The following PDE10A variants were observed in gnomAD, a reference collection of about 807,000 sequenced individuals.
The protein encoded by PDE10A is cAMP and cAMP-inhibited cGMP 3',5'-cyclic phosphodiesterase 10A.
In PDE10A, 39 loss-of-function variants were observed where a neutral mutation model predicts 97.7. That is an observed-to-expected ratio of 0.40 (90% CI 0.31 to 0.52). The LOEUF (loss-of-function observed/expected upper bound fraction) is 0.52. Ranked by LOEUF, PDE10A falls within the 20% of genes least tolerant of loss-of-function variation. The pLI, the probability that PDE10A is intolerant of heterozygous loss-of-function variation, is 0.56. For synonymous variants in PDE10A, 371 were observed against 376.8 expected (o/e 0.98, Z 0.18); for missense variants, 731 against 1,047.8 (o/e 0.70, Z 4.17).
chr6:165,430,280 C>A lies in PDE10A; in HGVS notation c.1601+7G>T. On this transcript the variant is annotated splice_region_variant and intron_variant, in intron 9 of 21. Coordinates refer to ENST00000539869, the MANE Select transcript of PDE10A (RefSeq NM_001385079.1). ...AAGAGCTACTATCCCTAGAAATGAACACTTACTTTGATACGTCGAGTAGGA... is the reference window on the plus strand; with the variant it reads ...AAGAGCTACTATCCCTAGAAATGAAAACTTACTTTGATACGTCGAGTAGGA... 3.1e-6 allele frequency: 5 copies of A among 1,601,838 alleles called. No homozygotes were observed. The highest frequency in any genetic ancestry group is 4.3e-6 in the Non-Finnish European group (5 of 1,171,008).
chr6:165,789,552 T>C (rs1778590216), intron 1 of PDE10A, among the ~76,000 whole-genome samples: 1 of 152,224 alleles, frequency 6.6e-6, no homozygotes, highest in African/African-American at 2.4e-5. Context: ...AATCAAGATA[T>C]ATTACTTTGG....
At chr6:165,670,877 C>G (rs1790628784) in intron 1 of PDE10A, among the ~76,000 whole-genome samples, 2 of 152,126 alleles carry the variant, frequency 1.3e-5, no homozygotes. Flanking sequence ...CAAAAGGACC[C>G]CTTAGATGGG....
rs67030054 is a variant in PDE10A, at chr6:165,374,755, G to GTTT, written c.2783+4436_2783+4438dup. Among the ~76,000 whole-genome samples, 918 of 141,312 alleles carry GTTT rather than the reference G, an allele frequency of 6.5e-3. 18 individuals are homozygous for GTTT. In the East Asian group the frequency reaches 0.067, roughly 10 times the overall value. 92.7% of individuals were successfully genotyped at this position (141,312 alleles called of 152,430 possible). ...GTGCTTCATAAATACCATGTTTTTGGTTTTTTTTTTTTTTTACAAATTGAA... is the reference window on the plus strand; with the variant it reads ...GTGCTTCATAAATACCATGTTTTTGGTTTTTTTTTTTTTTTTTTACAAATTGAA... On this transcript the variant is annotated intron_variant, in intron 18 of 21. Transcript: ENST00000539869.
chr6:165,337,803 T>C (rs1443198507), intron 20 of PDE10A, among the ~76,000 whole-genome samples: 2 of 152,210 alleles, frequency 1.3e-5, no homozygotes, highest in Admixed American at 6.5e-5. Flanking sequence ...AGCTATACCA[T>C]GCATTCTTGG....
At chr6:165,784,874 G>T (rs926627861) in intron 1 of PDE10A, among the ~76,000 whole-genome samples, 17 of 152,204 alleles carry the variant, frequency 1.1e-4, no homozygotes, top group Admixed American at 2.0e-4. Flanking sequence ...AGAATGGTAA[G>T]GGGGAGTTGG....
chr6:165,772,962 C>A (rs955454335), intron 1 of PDE10A, among the ~76,000 whole-genome samples: 2 of 152,212 alleles, frequency 1.3e-5, no homozygotes, highest in African/African-American at 4.8e-5. Context: ...ATAATTGATT[C>A]TTTCAACAAA....
chr6:165,505,683 C>T (rs1045589093), intron 2 of PDE10A, among the ~76,000 whole-genome samples: 2 of 152,130 alleles, frequency 1.3e-5, no homozygotes, highest in Non-Finnish European at 2.9e-5. Context: ...AAAAACTGCA[C>T]AAAACTATTT....
At chr6:165,738,017 T>TTA (rs1792623587) in intron 1 of PDE10A, among the ~76,000 whole-genome samples, 1 of 144,298 alleles carries the variant, frequency 6.9e-6, no homozygotes, top group South Asian at 2.2e-4. Flanking sequence ...TTATTTTATT[T>TTA]TTTTATTATT....
chr6:165,641,593 C>T lies in PDE10A; in HGVS notation c.865+20354G>A, dbSNP rs143024762. 1.4e-3 allele frequency among the ~76,000 whole-genome samples: 215 copies of T among 152,330 alleles called. 1 individual carries two copies. The highest frequency in any genetic ancestry group is 4.8e-3 in the African/African-American group (198 of 41,568). On this transcript the variant is annotated intron_variant, in intron 1 of 21. Coordinates refer to ENST00000539869, the MANE Select transcript of PDE10A (RefSeq NM_001385079.1). Reference sequence around the variant, plus strand: ...CATGATAACCCACAGTCAGAGCGGGCACTGGCCACTCAGCTAATATTGGCA... The same window carrying T: ...CATGATAACCCACAGTCAGAGCGGGTACTGGCCACTCAGCTAATATTGGCA...
At chr6:165,430,111 C>T (rs1171601524) in intron 9 of PDE10A, among the ~76,000 whole-genome samples, 176 bp downstream of exon 9, 3 of 151,980 alleles carry the variant, frequency 2.0e-5, no homozygotes, top group Non-Finnish European at 4.4e-5. Context: ...TTAGAGTGAA[C>T]GTGAATGAGA....
chr6:165,395,655 G>C (rs541657271), intron 14 of PDE10A, among the ~76,000 whole-genome samples: 1 of 152,062 alleles, frequency 6.6e-6, no homozygotes, highest in Non-Finnish European at 1.5e-5. Flanking sequence ...TTTTAACTGA[G>C]ATAACAATTT....
chr6:165,394,455 T>C (rs542785002), intron 15 of PDE10A, among the ~76,000 whole-genome samples: 1 of 152,162 alleles, frequency 6.6e-6, no homozygotes, highest in African/African-American at 2.4e-5. Flanking sequence ...ATTTTCTTTA[T>C]CCAGTCTATC....
intron 13 of PDE10A, among the ~76,000 whole-genome samples, chr6:165,407,761 G>A (rs1282783850): frequency 1.3e-5 from 2 of 152,168 alleles, no homozygotes; most frequent in Non-Finnish European, 2.9e-5. Context: ...AGATGTAACT[G>A]ATACTACTGT....
intron 1 of PDE10A, among the ~76,000 whole-genome samples, chr6:165,593,533 G>A (rs757844282): frequency 4.6e-5 from 7 of 152,034 alleles, no homozygotes; most frequent in African/African-American, 1.5e-4. Flanking sequence ...GCACAAATAC[G>A]GGGTACTACA....
At chr6:165,863,573 C>T (rs1780963198) in intron 1 of PDE10A, among the ~76,000 whole-genome samples, 1 of 152,118 alleles carries the variant, frequency 6.6e-6, no homozygotes, top group Admixed American at 6.5e-5. Flanking sequence ...CCCATTTGTC[C>T]CATGTTTTCT....
At chr6:165,515,765 G>A (rs975677513) in intron 2 of PDE10A, among the ~76,000 whole-genome samples, 2 of 151,880 alleles carry the variant, frequency 1.3e-5, no homozygotes, top group Non-Finnish European at 2.9e-5. Flanking sequence ...CTCATGATCC[G>A]CCCACCTCGG....
At chr6:165,345,192 T>C (rs1456284386) in intron 18 of PDE10A, among the ~76,000 whole-genome samples, 2 of 152,210 alleles carry the variant, frequency 1.3e-5, no homozygotes, top group African/African-American at 2.4e-5. Context: ...TCAAAAAACT[T>C]TCATAAATCT....
intron 1 of PDE10A, among the ~76,000 whole-genome samples, chr6:165,839,118 G>A (rs960154696): frequency 1.3e-5 from 2 of 152,182 alleles, no homozygotes; most frequent in Non-Finnish European, 2.9e-5. Flanking sequence ...TTTTCTGTAC[G>A]CCAAACTCTA....
chr6:165,361,029 G>A (rs1309744597), intron 18 of PDE10A, among the ~76,000 whole-genome samples: 2 of 152,154 alleles, frequency 1.3e-5, no homozygotes, highest in African/African-American at 4.8e-5. Flanking sequence ...GCACAAGCCA[G>A]ACATTTATCA....
Sources: allele counts gnomAD v4.1 joint callset (sites outside exome capture counted in the v4.1 genomes callset), GRCh38; gene constraint gnomAD v4.1.1; transcripts MANE v1.5; gene names NCBI Gene and HGNC (gene_info 2026-07-23, HGNC 2026-07-21).